The following ZNF362 variants were observed in gnomAD, a reference collection of about 807,000 sequenced individuals.
ZNF362 encodes zinc finger protein 362, also known as rotund homolog.
In ZNF362, 11 loss-of-function variants were observed where a neutral mutation model predicts 42.9. The ratio of observed to expected loss-of-function variants is 0.26; its 90% confidence interval spans 0.16 to 0.42. The LOEUF is 0.42. Ranked by LOEUF, ZNF362 falls within the 20% of genes least tolerant of loss-of-function variation. The pLI is 1.00. For missense variants in ZNF362, 362 were observed against 576.2 expected, an observed-to-expected ratio of 0.63 and a Z score of 3.81; for synonymous variants, 255 against 257.3, an observed-to-expected ratio of 0.99 and a Z score of 0.09.
At chr1:33,239,826 A>C in the ZNF362 span, among the ~76,000 whole-genome samples, 2 of 152,182 alleles carry the variant, frequency 1.3e-5, no homozygotes, top group Middle Eastern at 3.2e-3. Context: ...AGATGGGAAC[A>C]TGTCAGAAGG....
rs1170326938 is a variant in ZNF362, at chr1:33,280,254, C to A, written c.480C>A (p.Ser160=). Residue 160 remains serine, a synonymous_variant, in exon 5 of 9, where the codon TCC becomes TCA. Coordinates refer to ENST00000539719, the MANE Select transcript of ZNF362 (RefSeq NM_152493.3). The surrounding 1 kb of genome is among the most constrained non-coding windows in gnomAD (Gnocchi z 5.6). ...TTSQSRLIAS[S]PTLISGITSP... ...GCCAGAGCCGCCTCATCGCCTCGTC[C>A]CCCACCCTCATCTCAGGGATCACCA... 1 of 1,614,074 alleles carries A rather than the reference C, an allele frequency of 6.2e-7. No individual in the cohort carries two copies.
At chr1:33,288,689 A>G (rs1278711327) in intron 6 of ZNF362, among the ~76,000 whole-genome samples, 1 of 133,782 alleles carries the variant, frequency 7.5e-6, no homozygotes, top group African/African-American at 2.8e-5. Context: ...GGTTGCAGTG[A>G]GCTGAGATTG....
the ZNF362 span, among the ~76,000 whole-genome samples, chr1:33,234,079 A>G: frequency 6.6e-6 from 1 of 152,314 alleles, no homozygotes; most frequent in Middle Eastern, 3.4e-3. Flanking sequence ...TCTGCCAGAC[A>G]TTCACCAAGT....
At chr1:33,263,515 A>G (rs548803598) in intron 1 of ZNF362, among the ~76,000 whole-genome samples, 2 of 152,062 alleles carry the variant, frequency 1.3e-5, no homozygotes, top group Non-Finnish European at 2.9e-5. Context: ...GGCTTAAGCA[A>G]TTCTCCTGCC....
chr1:33,208,304 C>T, the ZNF362 span, among the ~76,000 whole-genome samples: 1 of 152,110 alleles, frequency 6.6e-6, no homozygotes, highest in Non-Finnish European at 1.5e-5. Context: ...GTTTTGGTAC[C>T]AGTACTATGC....
At chr1:33,258,637 A>G (rs994593094) in intron 1 of ZNF362, among the ~76,000 whole-genome samples, 2 of 152,102 alleles carry the variant, frequency 1.3e-5, no homozygotes, top group South Asian at 2.1e-4. Flanking sequence ...GGCTCCCTCC[A>G]CTGTTCTCCA....
the ZNF362 span, among the ~76,000 whole-genome samples, chr1:33,206,786 A>G: frequency 4.6e-5 from 7 of 152,186 alleles, no homozygotes; most frequent in East Asian, 1.3e-3. Flanking sequence ...ACTTTCAGAC[A>G]CTTAAATAAT....
chr1:33,188,386 G>T, the ZNF362 span, among the ~76,000 whole-genome samples: 4 of 152,186 alleles, frequency 2.6e-5, no homozygotes, highest in Non-Finnish European at 4.4e-5. Context: ...GAATAACATG[G>T]TCATGTGCTC....
the ZNF362 span, among the ~76,000 whole-genome samples, chr1:33,154,183 G>A: frequency 3.3e-5 from 5 of 152,230 alleles, no homozygotes; most frequent in Non-Finnish European, 5.9e-5. Flanking sequence ...AAGATGGGCC[G>A]GGTGTGGTGG....
the ZNF362 span, among the ~76,000 whole-genome samples, chr1:33,152,079 C>T: frequency 6.6e-6 from 1 of 152,230 alleles, no homozygotes; most frequent in Admixed American, 6.5e-5. Flanking sequence ...CTCATGGGAG[C>T]ACCACGACAG....
At chr1:33,296,674 G>A (rs1435614568) in intron 8 of ZNF362, among the ~76,000 whole-genome samples, 1 of 152,164 alleles carries the variant, frequency 6.6e-6, no homozygotes, top group Non-Finnish European at 1.5e-5. Context: ...GGCGAACACT[G>A]AGTGCGAACC....
chr1:33,247,299 A>T, the ZNF362 span, among the ~76,000 whole-genome samples: 5 of 152,248 alleles, frequency 3.3e-5, no homozygotes, highest in African/African-American at 1.2e-4. Flanking sequence ...ATTTTATTTT[A>T]CATATAGAGT....
chr1:33,176,400 C>T, the ZNF362 span: 42 of 695,928 alleles, frequency 6.0e-5, no homozygotes, highest in Admixed American at 4.0e-5. Flanking sequence ...TCACCATACC[C>T]TGCCTACCAG....
At chr1:33,227,034 A>C in the ZNF362 span, among the ~76,000 whole-genome samples, 1 of 152,178 alleles carries the variant, frequency 6.6e-6, no homozygotes, top group South Asian at 2.1e-4. Flanking sequence ...AGGGATGAGA[A>C]TACTGGGGAC....
At chr1:33,149,636 A>T in the ZNF362 span, among the ~76,000 whole-genome samples, 1 of 144,484 alleles carries the variant, frequency 6.9e-6, no homozygotes, top group South Asian at 2.2e-4. Context: ...TAAATTTTTC[A>T]TAGAGATGAG....
rs1645997625 is a variant in ZNF362 at position 33,281,936 on chromosome 1, GC to G, written c.908+128del. On this transcript the variant is annotated intron_variant, in intron 6 of 8. Coordinates refer to ENST00000539719, the MANE Select transcript of ZNF362 (RefSeq NM_152493.3). The surrounding 1 kb of genome is among the most constrained non-coding windows in gnomAD (Gnocchi z 4.8). The stretch of plus-strand genomic sequence containing the variant: ...GGTGCCCATTGCCCTCGGGGTCACG[GC>G]CCTTGTGGACCTCACTGGCCTCAGC... The G allele has an allele frequency of 6.3e-6, 6 of 947,562 alleles. No homozygotes were observed. Among genetic ancestry groups the G allele is most frequent in the Non-Finnish European group, 9.6e-6 (6 of 624,968 alleles). 58.7% of individuals were successfully genotyped at this position (947,562 alleles called of 1,614,324 possible). A position where few individuals can be genotyped will look rare whatever the true frequency, so the allele number is the denominator to read the frequency against.
At chr1:33,263,626 G>T (rs1645844615) in intron 1 of ZNF362, among the ~76,000 whole-genome samples, 1 of 152,116 alleles carries the variant, frequency 6.6e-6, no homozygotes, top group East Asian at 1.9e-4. Context: ...GGTCAGGCTG[G>T]TCTCAAACTC....
At chr1:33,162,132 T>C in the ZNF362 span, among the ~76,000 whole-genome samples, 1 of 152,208 alleles carries the variant, frequency 6.6e-6, no homozygotes, top group African/African-American at 2.4e-5. Context: ...AGAGTGATCC[T>C]TCTAAAGTGC....
chr1:33,181,373 G>C, the ZNF362 span: 1 of 1,600,464 alleles, frequency 6.2e-7, no homozygotes, highest in Non-Finnish European at 8.5e-7. This position sits in a 1 kb window ranked among gnomAD's most constrained non-coding sequence, Gnocchi z 6.5. Flanking sequence ...GGCTCACCGG[G>C]TCCTGGTAGA....
Sources: gnomAD v4.1 joint callset for allele counts (sites outside exome capture counted in the v4.1 genomes callset) on GRCh38, gnomAD v4.1.1 for gene constraint, Gnocchi (gnomAD v3.1) non-coding constraint, MANE v1.5 for transcripts, NCBI Gene and HGNC (gene_info 2026-07-23, HGNC 2026-07-21) for gene names.